The following STRBP variants were observed in gnomAD, a reference collection of about 807,000 sequenced individuals.
STRBP encodes the protein spermatid perinuclear RNA binding protein.
In STRBP, 13 loss-of-function variants were observed where a neutral mutation model predicts 80.1. The ratio of observed to expected loss-of-function variants is 0.16; its 90% confidence interval spans 0.11 to 0.26. The LOEUF is 0.26. Among genes scored for constraint, STRBP ranks in the 10% least tolerant of loss-of-function variants. The probability of loss-of-function intolerance (pLI) is 1.00; values close to 1 mark genes in which losing one functional copy is unlikely to be tolerated. For synonymous variants in STRBP, 284 were observed against 291.2 expected, an observed-to-expected ratio of 0.98 and a Z score of 0.25; for missense variants, 485 against 815.2, an observed-to-expected ratio of 0.59 and a Z score of 4.93.
intron 5 of STRBP, among the ~76,000 whole-genome samples, chr9:123,170,835 CTTT>C (rs1032730001): frequency 6.6e-6 from 1 of 151,946 alleles, no homozygotes; most frequent in African/African-American, 2.4e-5. Context: ...TTACACGGGG[CTTT>C]TTTTCTTAGT....
intron 13 of STRBP, among the ~76,000 whole-genome samples, chr9:123,142,467 A>G (rs1019881117): frequency 6.6e-5 from 10 of 152,178 alleles, no homozygotes; most frequent in South Asian, 2.1e-4. Flanking sequence ...AGTCTCAGGT[A>G]CTTCTTTATA....
At chr9:123,143,749 T>A (rs926258683) in intron 13 of STRBP, among the ~76,000 whole-genome samples, 1 of 152,204 alleles carries the variant, frequency 6.6e-6, no homozygotes, top group Non-Finnish European at 1.5e-5. Flanking sequence ...CAGAAAGATG[T>A]AAAGCAATAA....
At chr9:123,190,690 G>A (rs931717302) in intron 2 of STRBP, among the ~76,000 whole-genome samples, 3 of 152,158 alleles carry the variant, frequency 2.0e-5, no homozygotes, top group African/African-American at 4.8e-5. Flanking sequence ...AAGATGCGAC[G>A]GCTATAATCT....
intron 17 of STRBP, 145 bp from the exon 18 acceptor site, chr9:123,128,403 T>C: frequency 1.5e-5 from 13 of 881,948 alleles, no homozygotes. Flanking sequence ...GCCAGAATGG[T>C]CCCAGTCTAG....
rs2035815530 is a variant in STRBP, at chr9:123,124,230, T to C, written c.*1367A>G. The C allele has an allele frequency of 3.0e-6, 3 of 985,398 alleles. No homozygotes were observed. The South Asian group carries it at 1.4e-4, about 46-fold the overall frequency. The allele number at this position is 985,398 out of a possible 1,614,324, so 61.0% of individuals were successfully genotyped here. ...ACTGAATAGGGAAAATGAAAGCTAA[T>C]TCATACTAAAAACAGACATTTTTAA... On this transcript the variant is annotated 3_prime_UTR_variant, in exon 19 of 19. Coordinates refer to ENST00000348403, the MANE Select transcript of STRBP (RefSeq NM_018387.5).
chr9:123,234,874 C>T (rs1356874501), intron 2 of STRBP, among the ~76,000 whole-genome samples: 2 of 151,784 alleles, frequency 1.3e-5, no homozygotes, highest in Non-Finnish European at 2.9e-5. Flanking sequence ...GCAGGAGACT[C>T]GCTTGAACCT....
chr9:123,150,223 G>A (rs2036994265), intron 11 of STRBP, among the ~76,000 whole-genome samples: 2 of 152,192 alleles, frequency 1.3e-5, no homozygotes, highest in African/African-American at 2.4e-5. Context: ...CTAGCAGTAG[G>A]TGAGAAGAGC....
chr9:123,137,864 A>G (rs541569678), intron 14 of STRBP, among the ~76,000 whole-genome samples: 1 of 152,200 alleles, frequency 6.6e-6, no homozygotes, highest in African/African-American at 2.4e-5. Flanking sequence ...ACATCAATAA[A>G]CATCTCTTCT....
At position 123,183,021 on chromosome 9, in the gene STRBP, A is replaced by AC. The variant is rs1258570594; in HGVS notation, c.3+1110_3+1111insG. On this transcript the variant is annotated intron_variant, in intron 3 of 18. Transcript: ENST00000348403. The stretch of plus-strand genomic sequence containing the variant: ...CAGAGCAAGATCCTGTCTCAAAAAA[A>AC]AAAAAAAAAAAAAAAAACAAAAAAT... Among the ~76,000 whole-genome samples, 43 of 28,912 alleles carry AC rather than the reference A, an allele frequency of 1.5e-3. 1 individual carries two copies. In the Admixed American group the frequency reaches 0.016, roughly 11 times the overall value. 19.0% of individuals were successfully genotyped at this position (28,912 alleles called of 152,430 possible). A position where few individuals can be genotyped will look rare whatever the true frequency, so the allele number is the denominator to read the frequency against.
downstream of STRBP, chr9:123,121,588 T>C (rs2035733965): frequency 6.6e-6 from 1 of 151,412 alleles, no homozygotes; most frequent in Non-Finnish European, 1.5e-5. Flanking sequence ...TATATACTTT[T>C]CCATAGTTAC....
At chr9:123,146,778 A>C in intron 13 of STRBP, 77 bp downstream of exon 13, 1 of 1,240,508 alleles carries the variant, frequency 8.1e-7, no homozygotes, top group Non-Finnish European at 1.1e-6. Flanking sequence ...TAAAAATGAT[A>C]ATTTATTATA....
chr9:123,242,967 CTT>C (rs2040725321), intron 1 of STRBP, among the ~76,000 whole-genome samples: 1 of 152,062 alleles, frequency 6.6e-6, no homozygotes, highest in Non-Finnish European at 1.5e-5. Flanking sequence ...CATAACCAAA[CTT>C]ATTCTAAAAC....
At chr9:123,140,068 A>G (rs2036524528) in intron 13 of STRBP, among the ~76,000 whole-genome samples, 1 of 152,174 alleles carries the variant, frequency 6.6e-6, no homozygotes, top group Non-Finnish European at 1.5e-5. Flanking sequence ...GAAAGGAAAA[A>G]ATCTGAGAGT....
At chr9:123,212,124 C>T (rs72616645) in intron 2 of STRBP, among the ~76,000 whole-genome samples, 14,211 of 152,134 alleles carry the variant, frequency 0.093, 1,765 homozygotes, top group East Asian at 0.61. Context: ...GAAAACTCAA[C>T]ATTAGGATTT....
chr9:123,156,633 G>T (rs2037296744), intron 11 of STRBP, among the ~76,000 whole-genome samples: 1 of 150,096 alleles, frequency 6.7e-6, no homozygotes, highest in South Asian at 2.1e-4. Context: ...GTCACATGTA[G>T]CCTCTGGAAA....
chr9:123,263,499 TG>T, intron 1 of STRBP, among the ~76,000 whole-genome samples: 1 of 122,074 alleles, frequency 8.2e-6, no homozygotes, highest in African/African-American at 3.4e-5. Context: ...CACTCCAGCC[TG>T]GGCCACAGAG....
chr9:123,256,044 T>C (rs994166488), intron 1 of STRBP, among the ~76,000 whole-genome samples: 1 of 142,864 alleles, frequency 7.0e-6, no homozygotes, highest in African/African-American at 2.6e-5. Context: ...TTTTTTTTTT[T>C]TGCTAGTCTT....
Position 123,123,151 on chromosome 9 carries a change from A to G in STRBP, c.*2446T>C, listed in dbSNP as rs1032272030. ...TCAGAGAAGAAATCTTGAGGGCCCA[A>G]GTGAATAATAAATGGTGCGACGCTC... On this transcript the variant is annotated 3_prime_UTR_variant, in exon 19 of 19. Transcript: ENST00000348403. 1 of 985,332 alleles carries G rather than the reference A, an allele frequency of 1.0e-6. No individual in the cohort carries two copies. The allele number at this position is 985,332 out of a possible 1,614,324, so 61.0% of individuals were successfully genotyped here. A position where few individuals can be genotyped will look rare whatever the true frequency, so the allele number is the denominator to read the frequency against.
In STRBP at chr9:123,116,380, C is replaced by T. The variant is rs542949622; in HGVS notation, c.169-282G>A. On this transcript the variant is annotated intron_variant and NMD_transcript_variant, in intron 2 of 3. Transcript: ENST00000471564. ...CTCCAAGTAGCAATTACTGAATTTG[C>T]ACTTTATTATAGGGTTCAGTTACAG... Among the ~76,000 whole-genome samples the T allele has an allele frequency of 6.4e-4, 98 of 152,260 alleles. 1 individual carries two copies. In the South Asian group the frequency reaches 0.019, roughly 30 times the overall value.
Sources: allele counts gnomAD v4.1 joint callset (sites outside exome capture counted in the v4.1 genomes callset), GRCh38; gene constraint gnomAD v4.1.1; transcripts MANE v1.5; gene names NCBI Gene and HGNC (gene_info 2026-07-23, HGNC 2026-07-21).